SPAG16: variants seen among roughly 807,000 people sequenced by gnomAD.
The protein encoded by SPAG16 is sperm-associated antigen 16 protein.
A neutral mutation model predicts 80.4 loss-of-function variants in SPAG16; 86 were observed. That is an observed-to-expected ratio of 1.07 (90% CI 0.90 to 1.28). The LOEUF is 1.28. Ranked by LOEUF, SPAG16 falls within the 50% of genes most tolerant of loss-of-function variation. The pLI, the probability that SPAG16 is intolerant of heterozygous loss-of-function variation, is 0.00. For synonymous variants in SPAG16, 294 were observed against 265.9 expected (o/e 1.11, Z -1.03); for missense variants, 870 against 765.3 (o/e 1.14, Z -1.61).
At chr2:213,656,123 G>A (rs1383714749) in intron 10 of SPAG16, among the ~76,000 whole-genome samples, 1 of 152,226 alleles carries the variant, frequency 6.6e-6, no homozygotes, top group Non-Finnish European at 1.5e-5. Flanking sequence ...ACTAAAGTGA[G>A]TATCTTTAGG....
chr2:213,752,606 G>A (rs1038276659), intron 10 of SPAG16, among the ~76,000 whole-genome samples: 2 of 152,106 alleles, frequency 1.3e-5, no homozygotes, highest in Non-Finnish European at 2.9e-5. Context: ...TCTTTCAAAA[G>A]TTTCACTTTC....
intron 12 of SPAG16, among the ~76,000 whole-genome samples, chr2:213,934,038 C>G (rs2078886157): frequency 6.6e-6 from 1 of 152,146 alleles, no homozygotes; most frequent in Admixed American, 6.5e-5. Context: ...TAGCACCAAT[C>G]TCAATATGGC....
intron 9 of SPAG16, among the ~76,000 whole-genome samples, chr2:213,461,506 CAT>C (rs1287005759): frequency 6.6e-6 from 1 of 152,006 alleles, no homozygotes; most frequent in African/African-American, 2.4e-5. Flanking sequence ...AGCAGGGAGA[CAT>C]ATTAGAGGCT....
intron 13 of SPAG16, among the ~76,000 whole-genome samples, chr2:214,028,577 A>T (rs549279464): frequency 1.3e-5 from 2 of 152,216 alleles, no homozygotes; most frequent in East Asian, 3.9e-4. Flanking sequence ...TTCATAACAA[A>T]TGCCTCAACC....
In SPAG16 at chr2:214,149,614, T is replaced by C. The variant is rs953824555; in HGVS notation, c.1720+348T>C. Among the ~76,000 whole-genome samples the C allele has an allele frequency of 3.3e-5, 5 of 152,134 alleles. No homozygotes were observed. The South Asian group carries it at 6.2e-4, about 19-fold the overall frequency. On this transcript the variant is annotated intron_variant, in intron 15 of 15. Transcript: ENST00000331683. ...TTTCTAAAGGCAAAATAGCTAACAG[T>C]AGAGAAGAACAAAAGTTTAGCAAAA...
Position 213,522,560 on chromosome 2 carries a change from A to G in SPAG16, c.1070+32470A>G, listed in dbSNP as rs564366608. On this transcript the variant is annotated intron_variant, in intron 10 of 15. Transcript: ENST00000331683. ...TCTCTCAGTTACTGGTCCCTGGAGG[A>G]ATATGACCTTATACAAGTTGGCTCT... is the stretch of plus-strand genomic sequence containing the variant. 5.3e-5 allele frequency among the ~76,000 whole-genome samples: 8 copies of G among 152,204 alleles called. No homozygotes were observed. The South Asian group carries it at 1.5e-3, about 28-fold the overall frequency.
At chr2:213,344,180 C>A (rs72937079) in intron 6 of SPAG16, among the ~76,000 whole-genome samples, 21,478 of 152,056 alleles carry the variant, frequency 0.14, 2,309 homozygotes, top group East Asian at 0.46. Flanking sequence ...AGTACATAGT[C>A]ACTCAATTAA....
intron 8 of SPAG16, among the ~76,000 whole-genome samples, chr2:213,373,427 G>C (rs1347772391): frequency 6.6e-6 from 1 of 151,622 alleles, no homozygotes; most frequent in Non-Finnish European, 1.5e-5. Flanking sequence ...CCTAAGTTTT[G>C]GTTTTAAATG....
chr2:213,290,044 T>C (rs983558530), intron 1 of SPAG16, among the ~76,000 whole-genome samples: 1 of 152,136 alleles, frequency 6.6e-6, no homozygotes, highest in Non-Finnish European at 1.5e-5. Context: ...CTCACCGAGG[T>C]TTCTGGCAGT....
intron 14 of SPAG16, among the ~76,000 whole-genome samples, chr2:214,122,820 A>G (rs1471511277): frequency 6.6e-6 from 1 of 151,958 alleles, no homozygotes; most frequent in Non-Finnish European, 1.5e-5. Context: ...AAAACACTAA[A>G]GCAGGTTCTG....
chr2:214,247,160 C>A (rs1457583980), intron 15 of SPAG16, among the ~76,000 whole-genome samples: 1 of 152,022 alleles, frequency 6.6e-6, no homozygotes, highest in Non-Finnish European at 1.5e-5. Context: ...CTTCTTGAAT[C>A]TTCATTAGTG....
At chr2:214,406,814 T>C (rs1702021414) in intron 15 of SPAG16, among the ~76,000 whole-genome samples, 1 of 152,126 alleles carries the variant, frequency 6.6e-6, no homozygotes, top group Admixed American at 6.5e-5. Flanking sequence ...CATTGAGTCC[T>C]ATTGGTCAAC....
chr2:214,013,123 C>G (rs1369930794), intron 12 of SPAG16, among the ~76,000 whole-genome samples: 1 of 151,604 alleles, frequency 6.6e-6, no homozygotes, highest in South Asian at 2.1e-4. Context: ...TTCCCAGGCT[C>G]CATCATCAAT....
intron 13 of SPAG16, among the ~76,000 whole-genome samples, chr2:214,057,127 G>A (rs1028174874): frequency 2.0e-5 from 3 of 150,482 alleles, no homozygotes; most frequent in African/African-American, 4.9e-5. Context: ...TTTATATTTC[G>A]ATCCCCTCCC....
At chr2:214,249,109 A>G (rs974488537) in intron 15 of SPAG16, among the ~76,000 whole-genome samples, 6 of 152,208 alleles carry the variant, frequency 3.9e-5, no homozygotes, top group Admixed American at 1.3e-4. Context: ...ATATAAATTT[A>G]TACCCAAACA....
At chr2:214,331,809 C>G (rs570237880) in intron 15 of SPAG16, among the ~76,000 whole-genome samples, 3 of 152,194 alleles carry the variant, frequency 2.0e-5, no homozygotes, top group Admixed American at 6.5e-5. Flanking sequence ...AGGTGTTATG[C>G]TATGCCATTT....
rs370579144 is a variant in SPAG16, at chr2:214,290,115, G to GT, written c.1721-120016dup. ...CACTACTCACAATTGGTATGTTCAG[G>GT]TTTTTTTTTACTTTTTCCTAATTCA... is the stretch of plus-strand genomic sequence containing the variant. On this transcript the variant is annotated intron_variant, in intron 15 of 15. Coordinates refer to ENST00000331683, the MANE Select transcript of SPAG16 (RefSeq NM_024532.5). 8.1e-3 allele frequency among the ~76,000 whole-genome samples: 1,219 copies of GT among 151,396 alleles called. 14 individuals carry two copies. Among genetic ancestry groups the GT allele is most frequent in the African/African-American group, 0.027 (1,135 of 41,298 alleles).
At chr2:213,284,790 C>T in intron 1 of SPAG16, 171 bp downstream of exon 1, 2 of 982,650 alleles carry the variant, frequency 2.0e-6, no homozygotes, top group South Asian at 1.8e-5. Context: ...GAGAGCCACT[C>T]ACTGAATTTC....
chr2:214,161,489 G>T (rs111693668), intron 15 of SPAG16, among the ~76,000 whole-genome samples: 1 of 152,210 alleles, frequency 6.6e-6, no homozygotes, highest in African/African-American at 2.4e-5. Context: ...TTTAATAATT[G>T]CCATTCTAAC....
Sources: gnomAD v4.1 joint callset for allele counts (sites outside exome capture counted in the v4.1 genomes callset) on GRCh38, gnomAD v4.1.1 for gene constraint, MANE v1.5 for transcripts, NCBI Gene and HGNC (gene_info 2026-07-23, HGNC 2026-07-21) for gene names.